Variants in ATP10B observed in about 807,000 individuals in gnomAD.
The protein encoded by ATP10B is phospholipid-transporting ATPase VB.
In ATP10B, 122 loss-of-function variants were observed where a neutral mutation model predicts 141.2. The observed-to-expected ratio is 0.86, with a 90% CI of 0.75 to 1.00. The LOEUF is 1.00. Ranked by LOEUF, ATP10B falls within the 50% of genes least tolerant of loss-of-function variation. The pLI is 0.00. For synonymous variants in ATP10B, 685 were observed against 692.0 expected, an observed-to-expected ratio of 0.99 and a Z score of 0.16; for missense variants, 1,876 against 1,825.3, an observed-to-expected ratio of 1.03 and a Z score of -0.51.
intron 7 of ATP10B, among the ~76,000 whole-genome samples, chr5:160,656,311 C>T (rs186817156): frequency 7.2e-4 from 110 of 152,214 alleles, no homozygotes; most frequent in Middle Eastern, 3.4e-3. Context: ...GAATTTAAGT[C>T]GTGATGCCCT....
At chr5:160,808,818 A>G (rs1429523298) in intron 1 of ATP10B, among the ~76,000 whole-genome samples, 1 of 152,194 alleles carries the variant, frequency 6.6e-6, no homozygotes, top group Non-Finnish European at 1.5e-5. Flanking sequence ...CCCCAAAACA[A>G]GTGACTTAAA....
intron 7 of ATP10B, among the ~76,000 whole-genome samples, chr5:160,652,779 T>C (rs1179081894): frequency 1.0e-5 from 1 of 99,614 alleles, no homozygotes; most frequent in Non-Finnish European, 1.8e-5. Flanking sequence ...TAAATATAAA[T>C]ATATATAAAA....
At chr5:160,727,140 T>G (rs1164971173) in intron 2 of ATP10B, among the ~76,000 whole-genome samples, 1 of 152,158 alleles carries the variant, frequency 6.6e-6, no homozygotes, top group Non-Finnish European at 1.5e-5. Context: ...AAAATAAACT[T>G]TCCAGATTAA....
intron 1 of ATP10B, among the ~76,000 whole-genome samples, chr5:160,809,468 C>T (rs1291719547): frequency 6.6e-6 from 1 of 152,094 alleles, no homozygotes; most frequent in African/African-American, 2.4e-5. Flanking sequence ...AATACATATG[C>T]AATACATATG....
At chr5:160,800,702 C>A (rs1772318615) in intron 1 of ATP10B, among the ~76,000 whole-genome samples, 1 of 152,188 alleles carries the variant, frequency 6.6e-6, no homozygotes, top group Admixed American at 6.5e-5. Flanking sequence ...TAATTGGTTT[C>A]TTTCTTCACT....
intron 13 of ATP10B, among the ~76,000 whole-genome samples, chr5:160,628,500 C>T (rs967826359): frequency 6.6e-6 from 1 of 151,726 alleles, no homozygotes; most frequent in African/African-American, 2.4e-5. Context: ...AAATCTCTTC[C>T]AAAGAAAGAA....
chr5:160,784,102 A>G (rs1770959102), intron 2 of ATP10B, among the ~76,000 whole-genome samples: 1 of 151,920 alleles, frequency 6.6e-6, no homozygotes, highest in Non-Finnish European at 1.5e-5. Context: ...TCTTTGAGGC[A>G]GATCAATAAA....
At chr5:160,898,200 A>G in the ATP10B span, among the ~76,000 whole-genome samples, 1 of 152,212 alleles carries the variant, frequency 6.6e-6, no homozygotes, top group Admixed American at 6.5e-5. Context: ...AACTATCATT[A>G]GAGTGAATAG....
intron 5 of ATP10B, 101 bp from the exon 6 acceptor site, chr5:160,686,374 C>T (rs1362805554): frequency 1.2e-6 from 1 of 802,788 alleles, no homozygotes; most frequent in Non-Finnish European, 1.8e-6. Context: ...ATTAAACCTT[C>T]TCTTTCAGTA....
intron 22 of ATP10B, among the ~76,000 whole-genome samples, chr5:160,594,802 A>C (rs539453570): frequency 7.2e-5 from 11 of 152,188 alleles, no homozygotes; most frequent in East Asian, 5.8e-4. Context: ...AGGCCATTAC[A>C]TAATGGTAAA....
At chr5:160,817,023 A>G (rs547953789) in intron 1 of ATP10B, among the ~76,000 whole-genome samples, 1 of 152,344 alleles carries the variant, frequency 6.6e-6, no homozygotes, top group Admixed American at 6.5e-5. Context: ...AAAGCTATCT[A>G]TGACAAACCC....
chr5:160,636,150 T>A, intron 11 of ATP10B, 32 bp downstream of exon 11: 1 of 1,570,476 alleles, frequency 6.4e-7, no homozygotes, highest in African/African-American at 1.4e-5. Context: ...CCACATATCT[T>A]ATTGGGCCCC....
rs191509773 is a variant in ATP10B at position 160,830,251 on chromosome 5, A to G, written c.-576+21690T>C. On this transcript the variant is annotated intron_variant, in intron 1 of 25. Coordinates refer to ENST00000327245, the MANE Select transcript of ATP10B (RefSeq NM_025153.3). ...TGGTGAATCATATTTATTGATTTAT[A>G]TATGTTGAATCAAATTGCATATTTT... Among the ~76,000 whole-genome samples, 45 of 152,214 alleles carry G rather than the reference A, an allele frequency of 3.0e-4. 1 individual carries two copies. The highest frequency in any genetic ancestry group is 8.3e-4 in the South Asian group (4 of 4,824).
At chr5:160,905,662 T>C in the ATP10B span, among the ~76,000 whole-genome samples, 2 of 152,024 alleles carry the variant, frequency 1.3e-5, no homozygotes, top group African/African-American at 4.8e-5. Flanking sequence ...TATAAAGCAC[T>C]CAACAAAGGA....
intron 1 of ATP10B, among the ~76,000 whole-genome samples, chr5:160,796,862 AAGCC>A (rs1432817711): frequency 6.6e-6 from 1 of 152,120 alleles, no homozygotes; most frequent in Non-Finnish European, 1.5e-5. Flanking sequence ...TGGCTCTTCC[AAGCC>A]AGCTGTCTGT....
chr5:160,755,208 T>C (rs6556521), intron 2 of ATP10B, among the ~76,000 whole-genome samples: 90,194 of 151,910 alleles, frequency 0.59, 27,385 homozygotes, highest in African/African-American at 0.71. Context: ...GAAGAGACAG[T>C]GAAGGGAGAG....
intron 21 of ATP10B, 92 bp from the exon 22 acceptor site, chr5:160,599,062 C>A: frequency 8.7e-7 from 1 of 1,143,888 alleles, no homozygotes; most frequent in Non-Finnish European, 1.3e-6. Context: ...GCTGGAGTGG[C>A]AGTTGCCTCA....
intron 1 of ATP10B, among the ~76,000 whole-genome samples, chr5:160,793,682 G>A (rs1430593984): frequency 6.6e-6 from 1 of 152,156 alleles, no homozygotes; most frequent in African/African-American, 2.4e-5. Context: ...AAAGTCAACA[G>A]TAGTACACAG....
At chr5:160,593,477 G>A (rs1239871026) in intron 22 of ATP10B, among the ~76,000 whole-genome samples, 2 of 152,206 alleles carry the variant, frequency 1.3e-5, no homozygotes, top group African/African-American at 4.8e-5. Context: ...AAAAAACAGA[G>A]CAGAAAAACT....
Sources: allele counts gnomAD v4.1 joint callset (sites outside exome capture counted in the v4.1 genomes callset), GRCh38; gene constraint gnomAD v4.1.1; transcripts MANE v1.5; gene names NCBI Gene and HGNC (gene_info 2026-07-23, HGNC 2026-07-21).